The following ARHGEF28 variants were observed in gnomAD, a reference collection of about 807,000 sequenced individuals.
The protein encoded by ARHGEF28 is Rho guanine nucleotide exchange factor 28, also known as 190 kDa guanine nucleotide exchange factor.
ARHGEF28 carries 152 observed loss-of-function variants against 206.6 expected under a neutral mutation model. The ratio of observed to expected loss-of-function variants is 0.74; its 90% confidence interval spans 0.64 to 0.84. ARHGEF28 has a LOEUF of 0.84. Among genes scored for constraint, ARHGEF28 ranks in the 40% least tolerant of loss-of-function variants. The pLI is 0.00. For synonymous variants in ARHGEF28, 763 were observed against 776.4 expected, an observed-to-expected ratio of 0.98 and a Z score of 0.29; for missense variants, 2,028 against 2,073.2, an observed-to-expected ratio of 0.98 and a Z score of 0.42.
chr5:73,815,661 T>G (rs1350131615), intron 9 of ARHGEF28, among the ~76,000 whole-genome samples: 3 of 152,178 alleles, frequency 2.0e-5, no homozygotes, highest in Admixed American at 2.0e-4. Context: ...ATGGGATTAA[T>G]GATGAGGAGG....
intron 24 of ARHGEF28, 138 bp downstream of exon 24, chr5:73,884,022 GA>G (rs1481534207): frequency 6.6e-6 from 3 of 456,088 alleles, no homozygotes; most frequent in African/African-American, 2.0e-5. Context: ...TAAAGCCTTA[GA>G]ATTTGGATTA....
intron 22 of ARHGEF28, among the ~76,000 whole-genome samples, chr5:73,882,050 G>T (rs1012595924): frequency 2.7e-5 from 4 of 149,932 alleles, no homozygotes; most frequent in African/African-American, 9.9e-5. Context: ...TGGGGGGGAG[G>T]TTAGCCAAAG....
At chr5:73,637,519 A>T (rs923517492) in intron 1 of ARHGEF28, among the ~76,000 whole-genome samples, 2 of 152,244 alleles carry the variant, frequency 1.3e-5, no homozygotes, top group South Asian at 2.1e-4. Flanking sequence ...GAGCCTCAAG[A>T]TAAAGATATT....
chr5:73,912,709 C>T (rs1281296944), intron 35 of ARHGEF28, among the ~76,000 whole-genome samples: 1 of 152,096 alleles, frequency 6.6e-6, no homozygotes, highest in East Asian at 1.9e-4. Flanking sequence ...ATGATGGAAT[C>T]GTTCAGATTA....
At chr5:73,915,241 C>T (rs1197838344) in intron 35 of ARHGEF28, among the ~76,000 whole-genome samples, 1 of 151,888 alleles carries the variant, frequency 6.6e-6, no homozygotes, top group Non-Finnish European at 1.5e-5. Flanking sequence ...TTGCATGGGG[C>T]CTGAACATTT....
chr5:73,813,777 T>G, intron 9 of ARHGEF28: 4 of 1,261,764 alleles, frequency 3.2e-6, no homozygotes, highest in Non-Finnish European at 4.4e-6. Context: ...TAGCGCGTGT[T>G]TATACGTGCC....
rs991215351 is a variant in ARHGEF28 at position 73,650,267 on chromosome 5, T to G, written c.-12+23945T>G. Among the ~76,000 whole-genome samples, 9 of 137,944 alleles carry G rather than the reference T, an allele frequency of 6.5e-5. No individual in the cohort carries two copies. In the Admixed American group the frequency reaches 6.7e-4, roughly 10 times the overall value. 90.5% of individuals were successfully genotyped at this position (137,944 alleles called of 152,430 possible). ...GCCCGTTCATCACCTGAGAGATGTT[T>G]TCTTTCTTTCTTTTTTTTTTTTTTT... On this transcript the variant is annotated intron_variant, in intron 1 of 35. Coordinates refer to ENST00000513042, the MANE Select transcript of ARHGEF28 (RefSeq NM_001177693.2).
intron 24 of ARHGEF28, among the ~76,000 whole-genome samples, chr5:73,884,334 G>C (rs555530330): frequency 1.2e-4 from 18 of 152,292 alleles, no homozygotes; most frequent in African/African-American, 4.3e-4. Flanking sequence ...AAGTTCCAGG[G>C]AGTAACATAT....
In ARHGEF28 at chr5:73,865,632, CAAG is replaced by C. The variant is rs561088230; in HGVS notation, c.2104-329_2104-327del. Among the ~76,000 whole-genome samples, 17 of 152,154 alleles carry C rather than the reference CAAG, an allele frequency of 1.1e-4. No homozygotes were observed. The South Asian group carries it at 3.5e-3, about 32-fold the overall frequency. On this transcript the variant is annotated intron_variant, in intron 17 of 35. Coordinates refer to ENST00000513042, the MANE Select transcript of ARHGEF28 (RefSeq NM_001177693.2). Reference sequence around the variant, plus strand: ...AGGGATAGCAGGAGGTAGAAAGAAACAAGAAGGAGAAAGGCAGCATTGATAGGA... The same window carrying C: ...AGGGATAGCAGGAGGTAGAAAGAAACAAGGAGAAAGGCAGCATTGATAGGA...
chr5:73,642,546 A>G (rs1453342713), intron 1 of ARHGEF28, among the ~76,000 whole-genome samples: 1 of 151,252 alleles, frequency 6.6e-6, no homozygotes, highest in African/African-American at 2.4e-5. Context: ...AATGCATTGC[A>G]TTTTGAACTG....
At chr5:73,892,642 G>A (rs1761716597) in intron 27 of ARHGEF28, among the ~76,000 whole-genome samples, 1 of 152,132 alleles carries the variant, frequency 6.6e-6, no homozygotes, top group Non-Finnish European at 1.5e-5. Flanking sequence ...AGCTCCTCGA[G>A]GGCAGGGTTC....
At chr5:73,811,372 G>A (rs1354270984) in intron 9 of ARHGEF28, among the ~76,000 whole-genome samples, 1 of 152,150 alleles carries the variant, frequency 6.6e-6, no homozygotes, top group Non-Finnish European at 1.5e-5. Flanking sequence ...AATAGTTCTT[G>A]TAGATGTTTT....
At chr5:73,767,258 G>A (rs1419600895) in intron 4 of ARHGEF28, among the ~76,000 whole-genome samples, 1 of 152,140 alleles carries the variant, frequency 6.6e-6, no homozygotes, top group Non-Finnish European at 1.5e-5. Flanking sequence ...GGTACCACTA[G>A]AGTGGGGTGC....
At chr5:73,820,775 G>A (rs191480106) in intron 9 of ARHGEF28, among the ~76,000 whole-genome samples, 8 of 152,294 alleles carry the variant, frequency 5.3e-5, no homozygotes, top group Admixed American at 3.3e-4. Flanking sequence ...TCTTCTCAGA[G>A]GGCTTCGGGA....
At chr5:73,900,132 T>C (rs1413252424) in intron 30 of ARHGEF28, 2 of 152,226 alleles carry the variant, frequency 1.3e-5, no homozygotes, top group African/African-American at 2.4e-5. Flanking sequence ...CCGTTTCCGT[T>C]TAGACAAAAA....
intron 2 of ARHGEF28, among the ~76,000 whole-genome samples, chr5:73,745,061 C>G (rs548856293): frequency 6.6e-6 from 1 of 152,024 alleles, no homozygotes; most frequent in African/African-American, 2.4e-5. Context: ...AAAGATGTAT[C>G]CTTTTTTCTA....
At chr5:73,918,901 C>T (rs1763366219) in intron 35 of ARHGEF28, among the ~76,000 whole-genome samples, 1 of 152,196 alleles carries the variant, frequency 6.6e-6, no homozygotes, top group African/African-American at 2.4e-5. Context: ...CTGGAGCCTG[C>T]AAACTTGTGT....
chr5:73,693,841 T>A (rs1160548764), intron 2 of ARHGEF28, among the ~76,000 whole-genome samples: 3 of 152,234 alleles, frequency 2.0e-5, no homozygotes, highest in Admixed American at 1.3e-4. Flanking sequence ...CCTCTCTGAA[T>A]GGCCTTGCTT....
At chr5:73,699,472 T>G (rs1465394790) in intron 2 of ARHGEF28, among the ~76,000 whole-genome samples, 1 of 152,130 alleles carries the variant, frequency 6.6e-6, no homozygotes, top group Middle Eastern at 3.2e-3. Context: ...GAGTTGCAGG[T>G]ATACACCATG....
Sources: allele counts gnomAD v4.1 joint callset (sites outside exome capture counted in the v4.1 genomes callset), GRCh38; gene constraint gnomAD v4.1.1; transcripts MANE v1.5; gene names NCBI Gene and HGNC (gene_info 2026-07-23, HGNC 2026-07-21).